The following ABHD17C variants were observed in gnomAD, a reference collection of about 807,000 sequenced individuals.
The protein encoded by ABHD17C is alpha/beta hydrolase domain-containing protein 17C.
In ABHD17C, 11 loss-of-function variants were observed where a neutral mutation model predicts 27.9. That is an observed-to-expected ratio of 0.39 (90% confidence interval 0.25 to 0.65). The LOEUF is 0.65. Ranked by LOEUF, ABHD17C falls within the 30% of genes least tolerant of loss-of-function variation. ABHD17C has a pLI of 0.45. For synonymous variants in ABHD17C, 233 were observed against 209.1 expected (o/e 1.11, Z -0.98); for missense variants, 280 against 470.2 (o/e 0.60, Z 3.74).
At chr15:80,726,406 C>G (rs1486151309) in intron 1 of ABHD17C, among the ~76,000 whole-genome samples, 2 of 151,790 alleles carry the variant, frequency 1.3e-5, no homozygotes, top group African/African-American at 4.8e-5. Flanking sequence ...CTTCTTGACT[C>G]AGGAGTAGTT....
chr15:80,722,717 C>G (rs1456577305), intron 1 of ABHD17C, among the ~76,000 whole-genome samples: 1 of 152,170 alleles, frequency 6.6e-6, no homozygotes. Flanking sequence ...CAACACCTCC[C>G]CATTACTGTC....
intron 1 of ABHD17C, among the ~76,000 whole-genome samples, chr15:80,731,162 G>A (rs1429220826): frequency 7.2e-5 from 11 of 152,150 alleles, no homozygotes; most frequent in Non-Finnish European, 1.5e-4. Flanking sequence ...CTTGACAGAC[G>A]GGTGGGGGTG....
At chr15:80,723,871 G>T (rs1894934313) in intron 1 of ABHD17C, among the ~76,000 whole-genome samples, 1 of 152,156 alleles carries the variant, frequency 6.6e-6, no homozygotes, top group Non-Finnish European at 1.5e-5. Flanking sequence ...TGTCAGTATG[G>T]TCTGTCCTCC....
intron 1 of ABHD17C, among the ~76,000 whole-genome samples, chr15:80,743,225 A>G (rs1006186573): frequency 3.9e-5 from 6 of 152,270 alleles, no homozygotes; most frequent in South Asian, 2.1e-4. Context: ...TTAAGAACCA[A>G]CATGTCTTCA....
At position 80,749,540 on chromosome 15, in the gene ABHD17C, C is replaced by T. The variant is rs865810970; in HGVS notation, c.618C>T (p.Ile206=). 1 of 1,613,866 alleles carries T rather than the reference C, an allele frequency of 6.2e-7. No homozygotes were observed. The highest frequency in any genetic ancestry group is 2.2e-5 in the East Asian group (1 of 44,870). Reference sequence around the variant, plus strand: ...ATGGCGTGAGTCCCGAGAACATTATCCTCTATGGTCAGAGCATTGGGACTG... The same window carrying T: ...ATGGCGTGAGTCCCGAGAACATTATTCTCTATGGTCAGAGCATTGGGACTG... The part of the protein sequence containing the change: ...TRYGVSPENI[I]LYGQSIGTVP... The change falls in exon 2 of 3, where the codon ATC becomes ATT. Residue 206 remains isoleucine, a synonymous_variant. Coordinates refer to ENST00000258884, the MANE Select transcript of ABHD17C (RefSeq NM_021214.2).
rs372565371 is a variant in ABHD17C at position 80,732,967 on chromosome 15, A to G, written c.591-16546A>G. Among the ~76,000 whole-genome samples the G allele has an allele frequency of 1.2e-4, 19 of 152,294 alleles. No individual in the cohort carries two copies. The East Asian group carries it at 1.9e-3, about 15-fold the overall frequency. The stretch of plus-strand genomic sequence containing the variant: ...AAGTGGCCTGGATGGGTGAAGGACT[A>G]CAAGTGCAGGAGAGAGGATTAAGGC... On this transcript the variant is annotated intron_variant, in intron 1 of 2. Coordinates refer to ENST00000258884, the MANE Select transcript of ABHD17C (RefSeq NM_021214.2).
chr15:80,723,528 G>C (rs1894927795), intron 1 of ABHD17C, among the ~76,000 whole-genome samples: 1 of 152,146 alleles, frequency 6.6e-6, no homozygotes, highest in Non-Finnish European at 1.5e-5. Context: ...ATTTACCATG[G>C]ATAGTATTAG....
At chr15:80,735,316 T>C (rs1287619633) in intron 1 of ABHD17C, among the ~76,000 whole-genome samples, 1 of 152,146 alleles carries the variant, frequency 6.6e-6, no homozygotes, top group African/African-American at 2.4e-5. Flanking sequence ...CTACCTATTA[T>C]CTCCTTCCCA....
chr15:80,695,315 GCAGCCGCCC>G lies in ABHD17C; in HGVS notation c.-114_-106del. 1.6e-6 allele frequency: 1 copy of G among 619,582 alleles called. No individual in the cohort carries two copies. Among genetic ancestry groups the G allele is most frequent in the Non-Finnish European group, 2.1e-6 (1 of 476,196 alleles). The allele number at this position is 619,582 out of a possible 1,614,324, so 38.4% of individuals were successfully genotyped here. ...CCTCCTGCCGCCGGGCGGGCGGGCT[GCAGCCGCCC>G]TCCGCGCTCGCCTGCCAGCTCCCTC... On this transcript the variant is annotated 5_prime_UTR_variant, in exon 1 of 3. Transcript: ENST00000258884. This position sits in a 1 kb window ranked among gnomAD's most constrained non-coding sequence, Gnocchi z 4.3.
chr15:80,702,693 CA>C (rs1189403892), intron 1 of ABHD17C: 2 of 152,260 alleles, frequency 1.3e-5, no homozygotes, highest in African/African-American at 4.8e-5. Context: ...ATTTTGATAG[CA>C]GCTTTACCCT....
At chr15:80,726,501 GTTTTTTTTTTTTT>G (rs10572505) in intron 1 of ABHD17C, among the ~76,000 whole-genome samples, 2 of 94,508 alleles carry the variant, frequency 2.1e-5, no homozygotes, top group Admixed American at 2.5e-4. Context: ...TCTTTTTCTG[GTTTTTTTTTTTTT>G]TTTTTTTTTT....
chr15:80,695,577 C>G lies in ABHD17C; in HGVS notation c.148C>G (p.Arg50Gly), dbSNP rs1894481326. 8.7e-7 allele frequency: 1 copy of G among 1,147,576 alleles called. No individual in the cohort carries two copies. The highest frequency in any genetic ancestry group is 1.1e-6 in the Non-Finnish European group (1 of 928,930). 71.1% of individuals were successfully genotyped at this position (1,147,576 alleles called of 1,614,324 possible). ...CTACACGGTGCTGGCGCCGGAGCAG[C>G]GCGGCGCCGGCGCGTCCGCCCCGGC... ...PTYTVLAPEQ[R>G]GAGASAPAPA... Residue 50 changes from arginine to glycine, a missense_variant, in exon 1 of 3, where the codon CGC becomes GGC. Coordinates refer to ENST00000258884, the MANE Select transcript of ABHD17C (RefSeq NM_021214.2). The surrounding 1 kb of genome is among the most constrained non-coding windows in gnomAD (Gnocchi z 4.3).
intron 1 of ABHD17C, among the ~76,000 whole-genome samples, chr15:80,707,543 T>A (rs1000675609): frequency 6.6e-6 from 1 of 151,438 alleles, no homozygotes; most frequent in African/African-American, 2.4e-5. Flanking sequence ...AATATACTAA[T>A]ACTAGCAATA....
At chr15:80,729,223 G>A (rs1895024224) in intron 1 of ABHD17C, among the ~76,000 whole-genome samples, 1 of 152,112 alleles carries the variant, frequency 6.6e-6, no homozygotes, top group Non-Finnish European at 1.5e-5. Context: ...AACCTAGCCA[G>A]CATGTATGCG....
chr15:80,741,331 A>G (rs1895206171), intron 1 of ABHD17C, among the ~76,000 whole-genome samples: 5 of 152,162 alleles, frequency 3.3e-5, no homozygotes, highest in Admixed American at 2.0e-4. Context: ...TGAGCCCTGT[A>G]CATGCAGCAA....
intron 1 of ABHD17C, among the ~76,000 whole-genome samples, chr15:80,711,064 C>A (rs1173361726): frequency 6.6e-6 from 1 of 152,146 alleles, no homozygotes; most frequent in African/African-American, 2.4e-5. Context: ...TGGGAATTCT[C>A]CCTTCAGAGA....
intron 1 of ABHD17C, among the ~76,000 whole-genome samples, chr15:80,725,102 A>G (rs975095440): frequency 2.6e-5 from 4 of 152,206 alleles, no homozygotes; most frequent in African/African-American, 7.2e-5. Context: ...CCTAACCAAC[A>G]CGATTTTGTC....
At chr15:80,706,104 G>GGA in intron 1 of ABHD17C, among the ~76,000 whole-genome samples, 1 of 152,222 alleles carries the variant, frequency 6.6e-6, no homozygotes, top group Non-Finnish European at 1.5e-5. Context: ...CCTTAATAGA[G>GGA]TTAACCTTCC....
intron 1 of ABHD17C, among the ~76,000 whole-genome samples, chr15:80,746,868 C>T (rs1021067559): frequency 5.3e-5 from 8 of 152,148 alleles, no homozygotes; most frequent in Non-Finnish European, 7.3e-5. Flanking sequence ...ATATGTTGGA[C>T]TCGTCATAAG....
Sources: gnomAD v4.1 joint callset for allele counts (sites outside exome capture counted in the v4.1 genomes callset) on GRCh38, gnomAD v4.1.1 for gene constraint, Gnocchi (gnomAD v3.1) non-coding constraint, MANE v1.5 for transcripts, NCBI Gene and HGNC (gene_info 2026-07-23, HGNC 2026-07-21) for gene names.